TMEM74: variants seen among roughly 807,000 people sequenced by gnomAD.
TMEM74 encodes the protein transmembrane protein 74.
In TMEM74, 13 loss-of-function variants were observed where a neutral mutation model predicts 18.1. The observed-to-expected ratio is 0.72, with a 90% CI of 0.47 to 1.14. The LOEUF (loss-of-function observed/expected upper bound fraction) is 1.14, where lower values mean the gene tolerates loss of function less well. Ranked by LOEUF, TMEM74 falls within the 50% of genes most tolerant of loss-of-function variation. TMEM74 has a pLI of 0.00. For synonymous variants in TMEM74, 159 were observed against 146.6 expected (o/e 1.08, Z -0.61); for missense variants, 372 against 375.9 (o/e 0.99, Z 0.09).
At chr8:108,707,774 T>C (rs144224801) in intron 1 of TMEM74, among the ~76,000 whole-genome samples, 62 of 152,274 alleles carry the variant, frequency 4.1e-4, no homozygotes, top group Non-Finnish European at 8.2e-4. Context: ...CTTCTTGTCG[T>C]TGGTTTAAAA....
intron 1 of TMEM74, among the ~76,000 whole-genome samples, chr8:108,656,268 A>T (rs1327887740): frequency 6.6e-6 from 1 of 152,160 alleles, no homozygotes; most frequent in Non-Finnish European, 1.5e-5. Context: ...TAAAGGTTGT[A>T]AACTTGCTTT....
At chr8:108,640,986 C>T (rs1343664733) in intron 2 of TMEM74, among the ~76,000 whole-genome samples, 1 of 152,142 alleles carries the variant, frequency 6.6e-6, no homozygotes, top group African/African-American at 2.4e-5. Context: ...ATAACTTTTG[C>T]TTTCAACTTT....
chr8:108,622,083 A>C (rs1201480107), intron 2 of TMEM74, among the ~76,000 whole-genome samples: 1 of 152,146 alleles, frequency 6.6e-6, no homozygotes, highest in Non-Finnish European at 1.5e-5. Flanking sequence ...TAATCTACTC[A>C]AATTTTGAAT....
chr8:108,772,604 G>T (rs954435995), intron 1 of TMEM74, among the ~76,000 whole-genome samples: 13 of 152,270 alleles, frequency 8.5e-5, no homozygotes, highest in African/African-American at 3.1e-4. Context: ...CATCCATGAG[G>T]TTGGCCTTGG....
intron 2 of TMEM74, among the ~76,000 whole-genome samples, chr8:108,622,034 G>A (rs1812445380): frequency 6.6e-6 from 1 of 152,026 alleles, no homozygotes; most frequent in Non-Finnish European, 1.5e-5. Flanking sequence ...ACCAAATTCT[G>A]CTCTTCCAAA....
chr8:108,647,850 A>T, intron 2 of TMEM74, among the ~76,000 whole-genome samples: 1 of 152,224 alleles, frequency 6.6e-6, no homozygotes, highest in South Asian at 2.1e-4. Context: ...TAGTATAATG[A>T]GAACACTAAA....
chr8:108,753,405 G>A (rs74479973), intron 1 of TMEM74, among the ~76,000 whole-genome samples: 2,706 of 152,056 alleles, frequency 0.018, 88 homozygotes, highest in African/African-American at 0.061. Context: ...ATGTCGTGGT[G>A]TTGAGCATTT....
intron 1 of TMEM74, among the ~76,000 whole-genome samples, chr8:108,717,280 T>G (rs1166335248): frequency 6.6e-6 from 1 of 152,156 alleles, no homozygotes; most frequent in Non-Finnish European, 1.5e-5. Flanking sequence ...AATATTATAT[T>G]CCCTCAATAG....
At chr8:108,685,006 C>T (rs1813154258) in intron 1 of TMEM74, among the ~76,000 whole-genome samples, 1 of 152,032 alleles carries the variant, frequency 6.6e-6, no homozygotes, top group Non-Finnish European at 1.5e-5. Context: ...TACATTGAAT[C>T]TGCAGATTAC....
At chr8:108,655,383 T>C (rs1812811485) in exon 2 of TMEM74, 1 of 152,022 alleles carries the variant, frequency 6.6e-6, no homozygotes, top group Non-Finnish European at 1.5e-5. Context: ...GTTTGGAGAA[T>C]AGCTTGAGCC....
intron 1 of TMEM74, among the ~76,000 whole-genome samples, chr8:108,712,495 C>T (rs1813484003): frequency 1.3e-5 from 2 of 152,138 alleles, no homozygotes; most frequent in Admixed American, 1.3e-4. Flanking sequence ...CTAGCACTGG[C>T]ACACCATGGC....
rs150436126 is a variant in TMEM74 at position 108,669,356 on chromosome 8, G to A, written n.120-13919C>T. On this transcript the variant is annotated intron_variant and non_coding_transcript_variant, in intron 1 of 3. Coordinates refer to the TMEM74 transcript ENST00000518838. Reference sequence around the variant, plus strand: ...ACACACAAGTTATCCTGCCGAGCACGTTACAATGAAAAGGTCATCATTAGT... The same window carrying A: ...ACACACAAGTTATCCTGCCGAGCACATTACAATGAAAAGGTCATCATTAGT... Among the ~76,000 whole-genome samples, 41 of 152,250 alleles carry A rather than the reference G, an allele frequency of 2.7e-4. No individual in the cohort carries two copies. In the Middle Eastern group the frequency reaches 0.014, roughly 51 times the overall value.
downstream of TMEM74, among the ~76,000 whole-genome samples, chr8:108,777,234 G>T (rs890504018): frequency 2.0e-5 from 3 of 152,176 alleles, no homozygotes; most frequent in Non-Finnish European, 4.4e-5. Flanking sequence ...TCGACGTGTT[G>T]TGGAGATTAT....
At chr8:108,737,360 G>T (rs1813758713) in intron 1 of TMEM74, among the ~76,000 whole-genome samples, 1 of 152,136 alleles carries the variant, frequency 6.6e-6, no homozygotes, top group Non-Finnish European at 1.5e-5. Context: ...GGATTAACAT[G>T]ATTTCTCAAT....
intron 2 of TMEM74, among the ~76,000 whole-genome samples, chr8:108,634,552 C>T (rs1251789888): frequency 6.6e-6 from 1 of 151,926 alleles, no homozygotes; most frequent in African/African-American, 2.4e-5. Flanking sequence ...AAAGATATTC[C>T]ACTCTTTCCA....
chr8:108,713,018 AT>A (rs1301580786), intron 1 of TMEM74, among the ~76,000 whole-genome samples: 1 of 152,154 alleles, frequency 6.6e-6, no homozygotes, highest in Non-Finnish European at 1.5e-5. Context: ...ACAGAAAAAA[AT>A]ATGTCCCCCT....
chr8:108,720,454 T>A (rs1251449011), intron 1 of TMEM74, among the ~76,000 whole-genome samples: 1 of 152,242 alleles, frequency 6.6e-6, no homozygotes, highest in East Asian at 1.9e-4. Flanking sequence ...CACCTTTTGT[T>A]ATTCACTGGC....
chr8:108,685,890 A>C (rs1398803707), intron 1 of TMEM74, among the ~76,000 whole-genome samples: 8 of 152,156 alleles, frequency 5.3e-5, no homozygotes, highest in African/African-American at 1.9e-4. Context: ...AAAATTATTA[A>C]ATATATCCAC....
At chr8:108,626,700 ATGGCAG>A (rs1812497783) in intron 2 of TMEM74, 1 of 152,084 alleles carries the variant, frequency 6.6e-6, no homozygotes, top group Non-Finnish European at 1.5e-5. Context: ...ATAAGAGGCT[ATGGCAG>A]TGAGATTTCC....
Sources: gnomAD v4.1 joint callset for allele counts (sites outside exome capture counted in the v4.1 genomes callset) on GRCh38, gnomAD v4.1.1 for gene constraint, MANE v1.5 for transcripts, NCBI Gene and HGNC (gene_info 2026-07-23, HGNC 2026-07-21) for gene names.